Variants in PRKCB observed in about 807,000 individuals in gnomAD.
PRKCB encodes protein kinase C beta type.
In PRKCB, 13 loss-of-function variants were observed where a neutral mutation model predicts 81.5. The observed-to-expected ratio is 0.16, with a 90% confidence interval of 0.10 to 0.25. The LOEUF (loss-of-function observed/expected upper bound fraction) is 0.25, where lower values mean the gene tolerates loss of function less well. PRKCB is among the 10% of genes least tolerant of loss of function. PRKCB has a pLI of 1.00. For missense variants in PRKCB, 509 were observed against 875.7 expected (o/e 0.58, Z 5.29); for synonymous variants, 335 against 321.4 (o/e 1.04, Z -0.45).
chr16:23,970,247 C>T (rs1250263035), intron 2 of PRKCB, among the ~76,000 whole-genome samples: 1 of 151,892 alleles, frequency 6.6e-6, no homozygotes, highest in Non-Finnish European at 1.5e-5. Context: ...ATGTCATCTC[C>T]AAGAAGGCAC....
rs1567417766 is a variant in PRKCB, at chr16:24,219,657, CA to C, written c.*4842del. On this transcript the variant is annotated 3_prime_UTR_variant, in exon 17 of 17. Coordinates refer to ENST00000643927, the MANE Select transcript of PRKCB (RefSeq NM_002738.7). Reference sequence around the variant, plus strand: ...CCTAAAGCCAAAGAAAATACAGCAACACACACACACACACACACACACACAC... The same window carrying C: ...CCTAAAGCCAAAGAAAATACAGCAACCACACACACACACACACACACACAC... 0.032 allele frequency: 20,060 copies of C among 629,914 alleles called. 732 individuals are homozygous for C. The highest frequency in any genetic ancestry group is 0.14 in the African/African-American group (6,550 of 46,778). 39.0% of individuals were successfully genotyped at this position (629,914 alleles called of 1,614,324 possible).
At chr16:24,191,787 G>T (rs140815611) in intron 16 of PRKCB, among the ~76,000 whole-genome samples, 7 of 152,274 alleles carry the variant, frequency 4.6e-5, no homozygotes, top group Admixed American at 6.5e-5. Context: ...GACCCCCTCC[G>T]GGAGGGTTTG....
chr16:23,848,261 T>C (rs1263306041), intron 2 of PRKCB, among the ~76,000 whole-genome samples: 1 of 152,026 alleles, frequency 6.6e-6, no homozygotes, highest in East Asian at 1.9e-4. Context: ...GCCAAATGTT[T>C]GAAAAAGAGG....
chr16:23,904,017 C>T (rs1407611594), intron 2 of PRKCB, among the ~76,000 whole-genome samples: 1 of 152,192 alleles, frequency 6.6e-6, no homozygotes, highest in Non-Finnish European at 1.5e-5. Flanking sequence ...TGGTCTATTT[C>T]AAGTCCTCGT....
At chr16:23,967,816 C>T (rs990906731) in intron 2 of PRKCB, among the ~76,000 whole-genome samples, 2 of 152,188 alleles carry the variant, frequency 1.3e-5, no homozygotes, top group Admixed American at 1.3e-4. Flanking sequence ...CCATGCCCAG[C>T]TAATTTTTGT....
chr16:23,931,853 T>C (rs1198501568), intron 2 of PRKCB, among the ~76,000 whole-genome samples: 1 of 152,186 alleles, frequency 6.6e-6, no homozygotes, highest in East Asian at 1.9e-4. Flanking sequence ...GCTAATCCTC[T>C]TTCATCCATA....
intron 2 of PRKCB, among the ~76,000 whole-genome samples, chr16:23,862,600 T>G (rs12923695): frequency 0.46 from 70,192 of 151,750 alleles, 17,285 homozygotes; most frequent in East Asian, 0.62. Context: ...GGAAAAAATT[T>G]TTTTTTCGTT....
chr16:23,956,803 G>A (rs1479222718), intron 2 of PRKCB, among the ~76,000 whole-genome samples: 1 of 152,052 alleles, frequency 6.6e-6, no homozygotes, highest in Non-Finnish European at 1.5e-5. Context: ...GGACTGAAAG[G>A]TCTTGGGATG....
intron 2 of PRKCB, among the ~76,000 whole-genome samples, chr16:23,909,035 T>C (rs1239500514): frequency 6.6e-6 from 1 of 152,250 alleles, no homozygotes; most frequent in African/African-American, 2.4e-5. Context: ...TGTTTTGTTT[T>C]GTTTACAGAG....
chr16:23,878,551 T>C (rs1963052898), intron 2 of PRKCB, among the ~76,000 whole-genome samples: 1 of 152,200 alleles, frequency 6.6e-6, no homozygotes, highest in Non-Finnish European at 1.5e-5. Context: ...GAGAGAATGC[T>C]TGTTTACAGC....
chr16:24,044,310 G>T (rs1965739546), intron 5 of PRKCB, among the ~76,000 whole-genome samples: 1 of 152,108 alleles, frequency 6.6e-6, no homozygotes, highest in Non-Finnish European at 1.5e-5. Flanking sequence ...AGTGAACAGA[G>T]ATCAGGTCAT....
chr16:24,171,727 AATT>A (rs144391453), intron 10 of PRKCB, among the ~76,000 whole-genome samples: 4,127 of 151,906 alleles, frequency 0.027, 76 homozygotes, highest in Non-Finnish European at 0.041. Context: ...ATAAACTTGT[AATT>A]ATTATTATTA....
At chr16:24,200,381 A>G (rs1967939719) in intron 16 of PRKCB, among the ~76,000 whole-genome samples, 1 of 152,158 alleles carries the variant, frequency 6.6e-6, no homozygotes, top group African/African-American at 2.4e-5. Flanking sequence ...CCACCTATCT[A>G]CACACCCATG....
chr16:24,036,351 G>A (rs968815291), intron 5 of PRKCB, among the ~76,000 whole-genome samples: 4 of 152,144 alleles, frequency 2.6e-5, no homozygotes, highest in East Asian at 3.8e-4. Context: ...CATAAGCCCC[G>A]GTATAACCAG....
intron 5 of PRKCB, among the ~76,000 whole-genome samples, chr16:24,071,436 TAAAA>T (rs398042091): frequency 0.13 from 7,336 of 56,974 alleles, 334 homozygotes; most frequent in African/African-American, 0.2. Context: ...AGACCCTGTC[TAAAA>T]AAAAAAAAAA....
At chr16:24,028,982 G>A (rs1268918262) in intron 3 of PRKCB, among the ~76,000 whole-genome samples, 4 of 149,670 alleles carry the variant, frequency 2.7e-5, no homozygotes, top group Admixed American at 2.0e-4. Flanking sequence ...ATAGAGACAG[G>A]GTTCCTCCAT....
At position 24,163,026 on chromosome 16, in the gene PRKCB, C is replaced by T. The variant is rs138946288; in HGVS notation, c.1239+8169C>T. 5.8e-3 allele frequency among the ~76,000 whole-genome samples: 877 copies of T among 152,284 alleles called. 6 individuals carry two copies. Among genetic ancestry groups the T allele is most frequent in the African/African-American group, 0.02 (814 of 41,556 alleles). ...TCACTGCTCCTGGTAAACATGACTT[C>T]GTTAGCTCCTTGCAGTTTGCCTATC... is the stretch of plus-strand genomic sequence containing the variant. On this transcript the variant is annotated intron_variant, in intron 10 of 16. Coordinates refer to ENST00000643927, the MANE Select transcript of PRKCB (RefSeq NM_002738.7).
rs141247487 is a variant in PRKCB at position 24,008,392 on chromosome 16, G to C, written c.288+19802G>C. Among the ~76,000 whole-genome samples, 32 of 152,340 alleles carry C rather than the reference G, an allele frequency of 2.1e-4. 1 individual carries two copies. The East Asian group carries it at 6.2e-3, about 29-fold the overall frequency. ...GCCTGATTTGGTCCAGATGCGTGTG[G>C]ACATCTCTCCCAAACAGGATCAAAT... On this transcript the variant is annotated intron_variant, in intron 3 of 16. Transcript: ENST00000643927.
chr16:24,032,310 C>G (rs1386224508), intron 4 of PRKCB, 63 bp downstream of exon 4: 1 of 1,270,868 alleles, frequency 7.9e-7, no homozygotes, highest in Admixed American at 1.8e-5. Flanking sequence ...GGGCTGCTTC[C>G]ACTTGGTTTG....
Sources: allele counts gnomAD v4.1 joint callset (sites outside exome capture counted in the v4.1 genomes callset), GRCh38; gene constraint gnomAD v4.1.1; transcripts MANE v1.5; gene names NCBI Gene and HGNC (gene_info 2026-07-23, HGNC 2026-07-21).